FRK: variants seen among roughly 807,000 people sequenced by gnomAD.
FRK encodes the protein fyn related Src family tyrosine kinase.
Under a neutral mutation model 56.4 loss-of-function variants are expected in FRK, and 51 were observed. That is an observed-to-expected ratio of 0.90 (90% CI 0.72 to 1.14). The LOEUF is 1.14. FRK is among the 50% of genes most tolerant of loss of function. The pLI is 0.00. For missense variants in FRK, 570 were observed against 601.4 expected, an observed-to-expected ratio of 0.95 and a Z score of 0.55; for synonymous variants, 245 against 217.9, an observed-to-expected ratio of 1.12 and a Z score of -1.10.
chr6:115,970,840 A>C (rs1271343713), intron 2 of FRK, among the ~76,000 whole-genome samples: 1 of 152,168 alleles, frequency 6.6e-6, no homozygotes, highest in Non-Finnish European at 1.5e-5. Flanking sequence ...TTCAGCCCAG[A>C]AGGTCAAGGC....
the FRK span, among the ~76,000 whole-genome samples, chr6:116,096,152 C>T: frequency 1.2e-4 from 18 of 152,294 alleles, no homozygotes; most frequent in South Asian, 4.1e-4. Context: ...ACCGAGGACC[C>T]GTGGACAAAC....
the FRK span, among the ~76,000 whole-genome samples, chr6:116,096,785 C>A: frequency 6.6e-6 from 1 of 152,344 alleles, no homozygotes; most frequent in Admixed American, 6.5e-5. Context: ...AGGTCCTCTT[C>A]CATGCTGTGG....
rs1033108189 is a variant in FRK, at chr6:116,058,771, C to A, written c.344+1197G>T. Among the ~76,000 whole-genome samples the A allele has an allele frequency of 1.2e-4, 18 of 151,902 alleles. No individual in the cohort carries two copies. In the East Asian group the frequency reaches 3.5e-3, roughly 29 times the overall value. ...TAAAAATACAAAAAAATTAGCCGGG[C>A]GTGGTGGCAGGCGCCTGTAGTCCCA... On this transcript the variant is annotated intron_variant, in intron 1 of 7. Coordinates refer to ENST00000606080, the MANE Select transcript of FRK (RefSeq NM_002031.3).
At chr6:116,010,581 T>C (rs990275115) in intron 1 of FRK, among the ~76,000 whole-genome samples, 17 of 152,178 alleles carry the variant, frequency 1.1e-4, no homozygotes, top group African/African-American at 4.1e-4. Flanking sequence ...CAAATCTGAA[T>C]GACTAAAGGA....
rs556880737 is a variant in FRK, at chr6:115,936,380, A to C, written c.*6034T>G. ...AGGAAGATGAGGAGAAACCAGCGCA[A>C]AACAGCTGAAAATTCAAAAAAACAG... is the stretch of plus-strand genomic sequence containing the variant. On this transcript the variant is annotated 3_prime_UTR_variant, in exon 8 of 8. Transcript: ENST00000606080. 22 of 152,322 alleles carry C rather than the reference A, an allele frequency of 1.4e-4. No homozygotes were observed. The highest frequency in any genetic ancestry group is 5.1e-4 in the African/African-American group (21 of 41,560). 9.4% of individuals were successfully genotyped at this position (152,322 alleles called of 1,614,324 possible).
At position 115,940,416 on chromosome 6, in the gene FRK, T is replaced by C. The variant is rs146498200; in HGVS notation, c.*1998A>G. 32 of 152,288 alleles carry C rather than the reference T, an allele frequency of 2.1e-4. No individual in the cohort carries two copies. The highest frequency in any genetic ancestry group is 7.7e-4 in the African/African-American group (32 of 41,560). The allele number at this position is 152,288 out of a possible 1,614,324, so 9.4% of individuals were successfully genotyped here. On this transcript the variant is annotated 3_prime_UTR_variant, in exon 8 of 8. Transcript: ENST00000606080. ...GGCAACACCATTCAGGACATAGGCA[T>C]TGGAAAAGACATCATGACTAAAACA...
At chr6:116,031,411 C>G (rs1038756645) in intron 1 of FRK, among the ~76,000 whole-genome samples, 39 of 152,002 alleles carry the variant, frequency 2.6e-4, no homozygotes, top group African/African-American at 8.7e-4. Flanking sequence ...TTACTTTGTG[C>G]CAAAAATACT....
At chr6:116,030,053 AT>A (rs943395715) in intron 1 of FRK, among the ~76,000 whole-genome samples, 1 of 152,088 alleles carries the variant, frequency 6.6e-6, no homozygotes, top group African/African-American at 2.4e-5. Context: ...ATCAGTTTTT[AT>A]TTATGAACCA....
intron 5 of FRK, among the ~76,000 whole-genome samples, chr6:115,945,830 G>C (rs2114519495): frequency 6.6e-6 from 1 of 152,120 alleles, no homozygotes; most frequent in East Asian, 1.9e-4. Flanking sequence ...AATAGGCAAA[G>C]TTTCTCCCAC....
chr6:116,011,425 T>C (rs565987684), intron 1 of FRK, among the ~76,000 whole-genome samples: 1 of 151,828 alleles, frequency 6.6e-6, no homozygotes, highest in East Asian at 1.9e-4. Flanking sequence ...AGCCTTCAAG[T>C]ACTATAGACA....
At chr6:115,949,944 T>C (rs1166791159) in intron 5 of FRK, among the ~76,000 whole-genome samples, 3 of 152,190 alleles carry the variant, frequency 2.0e-5, no homozygotes, top group African/African-American at 7.2e-5. Flanking sequence ...GGATTCCCTA[T>C]TAAATAAATG....
intron 1 of FRK, chr6:116,039,615 C>T: frequency 1.3e-6 from 1 of 768,120 alleles, no homozygotes; most frequent in South Asian, 1.4e-5. Flanking sequence ...CTTGCGGCCT[C>T]ATCCAAACTG....
At chr6:115,990,629 C>G (rs994277993) in intron 2 of FRK, among the ~76,000 whole-genome samples, 2 of 151,376 alleles carry the variant, frequency 1.3e-5, no homozygotes, top group Non-Finnish European at 3.0e-5. Flanking sequence ...TCTATTGATC[C>G]GTATGCCTAC....
rs73772212 is a variant in FRK, at chr6:116,047,337, A to G, written c.344+12631T>C. ...TGATAAATCACAACCAGACATCTGT[A>G]GTTTTTTTAGGAAACTGCAGACTCT... On this transcript the variant is annotated intron_variant, in intron 1 of 7. Coordinates refer to ENST00000606080, the MANE Select transcript of FRK (RefSeq NM_002031.3). Among the ~76,000 whole-genome samples, 647 of 151,354 alleles carry G rather than the reference A, an allele frequency of 4.3e-3. 6 individuals are homozygous for G. Among genetic ancestry groups the G allele is most frequent in the African/African-American group, 0.015 (627 of 41,322 alleles).
intron 1 of FRK, among the ~76,000 whole-genome samples, chr6:116,031,313 T>A (rs1187205537): frequency 6.6e-6 from 1 of 152,114 alleles, no homozygotes; most frequent in Non-Finnish European, 1.5e-5. Context: ...CTAAGATATT[T>A]TACTTTTGTA....
Position 115,940,368 on chromosome 6 carries a change from T to C in FRK, c.*2046A>G, listed in dbSNP as rs958559935. On this transcript the variant is annotated 3_prime_UTR_variant, in exon 8 of 8. Transcript: ENST00000606080. ...GACTTAAATGTAAGACCTAAAACCATAAAAACCCTAGAAGAAAACCTAGGC... is the reference window on the plus strand; with the variant it reads ...GACTTAAATGTAAGACCTAAAACCACAAAAACCCTAGAAGAAAACCTAGGC... 2 of 152,042 alleles carry C rather than the reference T, an allele frequency of 1.3e-5. No homozygotes were observed. Among genetic ancestry groups the C allele is most frequent in the East Asian group, 3.9e-4 (2 of 5,184 alleles). The allele number at this position is 152,042 out of a possible 1,614,324, so 9.4% of individuals were successfully genotyped here.
intron 1 of FRK, among the ~76,000 whole-genome samples, chr6:116,052,983 C>T (rs1330517661): frequency 2.0e-5 from 3 of 152,092 alleles, no homozygotes; most frequent in Non-Finnish European, 4.4e-5. Flanking sequence ...ATTTATGTCA[C>T]ATAATGATCC....
rs752027894 is a variant in FRK, at chr6:116,060,352, TC to T, written c.-42del. ...AGAAGAGGAGCAGGGCTTCTCCCTC[TC>T]CCCTTAGTCTCTGCGATCCACCTTA... On this transcript the variant is annotated 5_prime_UTR_variant, in exon 1 of 8. Coordinates refer to ENST00000606080, the MANE Select transcript of FRK (RefSeq NM_002031.3). 2.0e-6 allele frequency: 3 copies of T among 1,489,596 alleles called. No homozygotes were observed. Among genetic ancestry groups the T allele is most frequent in the Non-Finnish European group, 2.8e-6 (3 of 1,085,624 alleles). The allele number at this position is 1,489,596 out of a possible 1,614,324, so 92.3% of individuals were successfully genotyped here. A position where few individuals can be genotyped will look rare whatever the true frequency, so the allele number is the denominator to read the frequency against.
In FRK at chr6:115,942,642, G is replaced by A. The variant is rs748481739; in HGVS notation, c.1307-17C>T. On this transcript the variant is annotated splice_polypyrimidine_tract_variant and intron_variant, in intron 7 of 7. Transcript: ENST00000606080. ...CTGTCATACCTTGAAAATACAGAACGAAACCAACAACAACAAAAAAAACAA... is the reference window on the plus strand; with the variant it reads ...CTGTCATACCTTGAAAATACAGAACAAAACCAACAACAACAAAAAAAACAA... 12 of 1,593,792 alleles carry A rather than the reference G, an allele frequency of 7.5e-6. No homozygotes were observed. Among genetic ancestry groups the A allele is most frequent in the East Asian group, 6.7e-5 (3 of 44,630 alleles).
Sources: gnomAD v4.1 joint callset for allele counts (sites outside exome capture counted in the v4.1 genomes callset) on GRCh38, gnomAD v4.1.1 for gene constraint, MANE v1.5 for transcripts, NCBI Gene and HGNC (gene_info 2026-07-23, HGNC 2026-07-21) for gene names.